Variants in VPS18 observed in about 807,000 individuals in gnomAD.
The protein encoded by VPS18 is VPS18 core subunit of CORVET and HOPS complexes.
In VPS18, 25 loss-of-function variants were observed where a neutral mutation model predicts 82.0. The ratio of observed to expected loss-of-function variants is 0.30; its 90% confidence interval spans 0.22 to 0.43. The LOEUF (loss-of-function observed/expected upper bound fraction) is 0.43. VPS18 is among the 20% of genes least tolerant of loss of function. The pLI is 1.00. For missense variants in VPS18, 1,168 were observed against 1,311.1 expected (o/e 0.89, Z 1.69); for synonymous variants, 523 against 543.0 (o/e 0.96, Z 0.51).
chr15:40,897,231 G>T (rs145843423), intron 2 of VPS18, among the ~76,000 whole-genome samples: 2 of 151,888 alleles, frequency 1.3e-5, no homozygotes, highest in African/African-American at 2.4e-5. Flanking sequence ...GGAGGCAGAG[G>T]TTGCAGTGAG....
intron 2 of VPS18, among the ~76,000 whole-genome samples, chr15:40,897,977 A>C (rs774936438): frequency 3.3e-5 from 5 of 151,064 alleles, no homozygotes; most frequent in Non-Finnish European, 5.9e-5. Flanking sequence ...TTTTCTTTTT[A>C]TTTTTTTGAG....
chr15:40,903,851 TG>T lies in VPS18; in HGVS notation c.*514del, dbSNP rs1158969634. On this transcript the variant is annotated 3_prime_UTR_variant, in exon 5 of 5. Transcript: ENST00000220509. The stretch of plus-strand genomic sequence containing the variant: ...CATTGGGTGAGAAAGTGATGCTAGT[TG>T]GGGCATGCTTTTGTGCACACTCTCT... The T allele has an allele frequency of 2.0e-5, 3 of 153,318 alleles. No individual in the cohort carries two copies. Among genetic ancestry groups the T allele is most frequent in the Non-Finnish European group, 2.9e-5 (2 of 68,796 alleles). 9.5% of individuals were successfully genotyped at this position (153,318 alleles called of 1,614,324 possible). A position where few individuals can be genotyped will look rare whatever the true frequency, so the allele number is the denominator to read the frequency against.
Position 40,900,056 on chromosome 15 carries a change from A to G in VPS18, c.1238A>G (p.Glu413Gly). ...ATGAACCGCTTCGATCTGGCCAAAG[A>G]GTATTGTCGAGAGCGGCCCGACTGC... ...LDMNRFDLAK[E>G]YCRERPDCLD... The change falls in exon 4 of 5, where the codon GAG becomes GGG. Residue 413 changes from glutamate (E) to glycine (G), a missense_variant. Transcript: ENST00000220509. The surrounding 1 kb of genome is among the most constrained non-coding windows in gnomAD (Gnocchi z 5.4). 6.2e-7 allele frequency: 1 copy of G among 1,613,772 alleles called. No individual in the cohort carries two copies. Among genetic ancestry groups the G allele is most frequent in the East Asian group, 2.2e-5 (1 of 44,866 alleles).
chr15:40,898,256 T>C (rs74510111), intron 2 of VPS18, among the ~76,000 whole-genome samples: 1 of 147,466 alleles, frequency 6.8e-6, no homozygotes, highest in Non-Finnish European at 1.5e-5. Flanking sequence ...GCCCGGCCTT[T>C]TTTTTTTTTT....
In VPS18 at chr15:40,899,241, G is replaced by A. The variant is rs1205156233; in HGVS notation, c.423G>A (p.Leu141=). The A allele has an allele frequency of 1.2e-6, 2 of 1,614,146 alleles. No homozygotes were observed. Among genetic ancestry groups the A allele is most frequent in the Non-Finnish European group, 1.7e-6 (2 of 1,180,064 alleles). ...CACTAGCACGCTGGAAGGGGCAGCT[G>A]GTGGAGAGTGTGGGTTGGAACAAGG... The part of the protein sequence containing the change: ...VRPLARWKGQ[L]VESVGWNKAL... The change falls in exon 4 of 5, where the codon CTG becomes CTA. Residue 141 remains leucine (L), a synonymous_variant. Coordinates refer to ENST00000220509, the MANE Select transcript of VPS18 (RefSeq NM_020857.3). The surrounding 1 kb of genome is among the most constrained non-coding windows in gnomAD (Gnocchi z 4.4).
Position 40,903,251 on chromosome 15 carries a change from T to C in VPS18, c.2832T>C (p.Cys944=). The C allele has an allele frequency of 1.2e-6, 2 of 1,609,860 alleles. No homozygotes were observed. The highest frequency in any genetic ancestry group is 4.5e-5 in the East Asian group (2 of 44,840). The change falls in exon 5 of 5, where the codon TGT becomes TGC. Residue 944 remains cysteine (C), a synonymous_variant. Transcript: ENST00000220509. The stretch of plus-strand genomic sequence containing the variant: ...TGGATGAGTTGGTGGCCGCTGAGTG[T>C]GTGTACTGTGGGGAGCTGATGATCC... ...ADLDELVAAE[C]VYCGELMIRS... is the part of the protein sequence containing the mutation.
chr15:40,898,272 C>CT (rs201517318), intron 2 of VPS18, among the ~76,000 whole-genome samples: 1 of 145,932 alleles, frequency 6.9e-6, no homozygotes, highest in East Asian at 2.0e-4. Context: ...TTTTTTCCCC[C>CT]CTTTTTGTGG....
intron 2 of VPS18, among the ~76,000 whole-genome samples, chr15:40,896,309 C>T (rs1341707121): frequency 6.6e-6 from 1 of 152,070 alleles, no homozygotes; most frequent in Non-Finnish European, 1.5e-5. Flanking sequence ...GAGGCCAAGA[C>T]AAGAGGATCA....
chr15:40,897,219 C>A lies in VPS18; in HGVS notation c.233+1140C>A, dbSNP rs377587898. 2.8e-4 allele frequency among the ~76,000 whole-genome samples: 42 copies of A among 151,564 alleles called. 1 individual carries two copies. Among genetic ancestry groups the A allele is most frequent in the Middle Eastern group, 3.4e-3 (1 of 294 alleles). ...CTGAGGCAGGAGAATGGCTTGAACC[C>A]GGGAGGCAGAGGTTGCAGTGAGCCG... On this transcript the variant is annotated intron_variant, in intron 2 of 4. Transcript: ENST00000220509.
intron 2 of VPS18, among the ~76,000 whole-genome samples, chr15:40,896,444 A>G (rs1021660138): frequency 2.0e-5 from 3 of 151,524 alleles, no homozygotes; most frequent in Non-Finnish European, 4.4e-5. Context: ...GGCCGAGGCA[A>G]GAGGATCACT....
At position 40,902,279 on chromosome 15, in the gene VPS18, A is replaced by AT. The variant is rs1892372572; in HGVS notation, c.2197-330dup. Among the ~76,000 whole-genome samples the AT allele has an allele frequency of 6.6e-6, 1 of 151,628 alleles. No individual in the cohort carries two copies. Among genetic ancestry groups the AT allele is most frequent in the African/African-American group, 2.4e-5 (1 of 41,240 alleles). On this transcript the variant is annotated intron_variant, in intron 4 of 4. Coordinates refer to ENST00000220509, the MANE Select transcript of VPS18 (RefSeq NM_020857.3). This position sits in a 1 kb window ranked among gnomAD's most constrained non-coding sequence, Gnocchi z 4.2. ...AGGCGCCCGCCACCACACCCGGCTAATTTTTTTGTATTTTTAGTAGAGACG... is the reference window on the plus strand; with the variant it reads ...AGGCGCCCGCCACCACACCCGGCTAATTTTTTTTGTATTTTTAGTAGAGACG...
chr15:40,899,843 G>A lies in VPS18; in HGVS notation c.1025G>A (p.Arg342Gln), dbSNP rs944222178. 2.7e-5 allele frequency: 44 copies of A among 1,608,616 alleles called. No homozygotes were observed. The highest frequency in any genetic ancestry group is 8.9e-5 in the East Asian group (4 of 44,884). The change falls in exon 4 of 5, where the codon CGG becomes CAG. Residue 342 changes from arginine (R) to glutamine (Q), a missense_variant. Around this residue, in one of 3 missense-constraint regions of VPS18, gnomAD observed 868 missense variants for 939.8 expected, o/e 0.92. Coordinates refer to ENST00000220509, the MANE Select transcript of VPS18 (RefSeq NM_020857.3). This position sits in a 1 kb window ranked among gnomAD's most constrained non-coding sequence, Gnocchi z 4.4. ...QFHFLLLLAD[R>Q]VEAVCTLTGQ... is the part of the protein sequence containing the mutation. ...CACTTCCTGCTGCTACTGGCAGACC[G>A]GGTGGAGGCAGTGTGCACACTGACC...
In VPS18 at chr15:40,899,253, G is replaced by A; in HGVS notation, c.435G>A (p.Val145=). 1 of 1,614,228 alleles carries A rather than the reference G, an allele frequency of 6.2e-7. No individual in the cohort carries two copies. Among genetic ancestry groups the A allele is most frequent in the Admixed American group, 1.7e-5 (1 of 60,032 alleles). Residue 145 remains valine (V), a synonymous_variant, in exon 4 of 5, where the codon GTG becomes GTA. Transcript: ENST00000220509. This position sits in a 1 kb window ranked among gnomAD's most constrained non-coding sequence, Gnocchi z 4.4. ...ARWKGQLVES[V]GWNKALGTES... ...GGAAGGGGCAGCTGGTGGAGAGTGT[G>A]GGTTGGAACAAGGCACTGGGCACGG... is the stretch of plus-strand genomic sequence containing the variant.
Position 40,903,252 on chromosome 15 carries a change from G to A in VPS18, c.2833G>A (p.Val945Met), listed in dbSNP as rs1183768220. The change falls in exon 5 of 5, where the codon GTG becomes ATG. Residue 945 changes from valine (V) to methionine (M), a missense_variant. Coordinates refer to ENST00000220509, the MANE Select transcript of VPS18 (RefSeq NM_020857.3). ...DLDELVAAEC[V>M]YCGELMIRSI... is the part of the protein sequence containing the mutation. ...GGATGAGTTGGTGGCCGCTGAGTGTGTGTACTGTGGGGAGCTGATGATCCG... is the reference window on the plus strand; with the variant it reads ...GGATGAGTTGGTGGCCGCTGAGTGTATGTACTGTGGGGAGCTGATGATCCG... The A allele has an allele frequency of 2.6e-5, 42 of 1,608,188 alleles. No individual in the cohort carries two copies. In the East Asian group the frequency reaches 9.1e-4, roughly 35 times the overall value.
rs1596179415 is a variant in VPS18, at chr15:40,902,157, G to A, written c.2197-459G>A. Among the ~76,000 whole-genome samples, 1 of 150,060 alleles carries A rather than the reference G, an allele frequency of 6.7e-6. No homozygotes were observed. Among genetic ancestry groups the A allele is most frequent in the Non-Finnish European group, 1.5e-5 (1 of 67,734 alleles). On this transcript the variant is annotated intron_variant, in intron 4 of 4. Coordinates refer to ENST00000220509, the MANE Select transcript of VPS18 (RefSeq NM_020857.3). This position sits in a 1 kb window ranked among gnomAD's most constrained non-coding sequence, Gnocchi z 4.2. ...AGACGGAGTCTTGCTCTGTTTCCCA[G>A]GCAGGAGTGCAGTGGCCCAATCTCG...
intron 2 of VPS18, 39 bp from the exon 3 acceptor site, chr15:40,898,868 T>C (rs1892284078): frequency 6.3e-7 from 1 of 1,588,732 alleles, no homozygotes; most frequent in Non-Finnish European, 8.6e-7. Context: ...AAAAAGGATC[T>C]TCCCTTCTCT....
Position 40,903,143 on chromosome 15 carries a change from AGCCAAGGGCTCTGCCCGG to A in VPS18, c.2732_2749del (p.Gly911_Lys916del). On this transcript the variant is annotated inframe_deletion, in exon 5 of 5. Transcript: ENST00000220509. ...GGAAGCTGGGGGCTGCTCCACCCCC[AGCCAAGGGCTCTGCCCGG>A]GCCAAGGAGGCCGAGGGTGGGGCTG... The A allele has an allele frequency of 6.2e-7, 1 of 1,608,130 alleles. No individual in the cohort carries two copies. The highest frequency in any genetic ancestry group is 8.5e-7 in the Non-Finnish European group (1 of 1,177,172).
In VPS18 at chr15:40,900,800, A is replaced by G; in HGVS notation, c.1982A>G (p.Gln661Arg). The change falls in exon 4 of 5, where the codon CAG becomes CGG. Residue 661 changes from glutamine to arginine, a missense_variant. Gln to Arg is a conservative substitution (Grantham distance 43). Transcript: ENST00000220509. This position sits in a 1 kb window ranked among gnomAD's most constrained non-coding sequence, Gnocchi z 5.4. ...FCVNVLGETE[Q>R]AIHNYLLSLY... ...GTGAACGTGCTGGGGGAGACTGAGC[A>G]GGCCATCCACAACTACCTGCTGTCA... 2 of 1,614,206 alleles carry G rather than the reference A, an allele frequency of 1.2e-6. No individual in the cohort carries two copies. Among genetic ancestry groups the G allele is most frequent in the Non-Finnish European group, 1.7e-6 (2 of 1,180,040 alleles).
At chr15:40,895,800 A>T in intron 1 of VPS18, 138 bp from the exon 2 acceptor site, 3 of 1,215,422 alleles carry the variant, frequency 2.5e-6, no homozygotes, top group Non-Finnish European at 2.3e-6. Flanking sequence ...CTTGATATCA[A>T]ACTATTTGTT....
Sources: allele counts gnomAD v4.1 joint callset (sites outside exome capture counted in the v4.1 genomes callset), GRCh38; gene constraint gnomAD v4.1.1; regional missense constraint gnomAD v4.1.1; non-coding constraint Gnocchi (gnomAD v3.1); transcripts MANE v1.5; gene names NCBI Gene and HGNC (gene_info 2026-07-23, HGNC 2026-07-21).